The following CALB2 variants were observed in gnomAD, a reference collection of about 807,000 sequenced individuals.
The protein encoded by CALB2 is calbindin 2.
A neutral mutation model predicts 45.9 loss-of-function variants in CALB2; 34 were observed. The observed-to-expected ratio is 0.74, with a 90% CI of 0.56 to 0.99. CALB2 has a LOEUF of 0.99. Ranked by LOEUF, CALB2 falls within the 50% of genes least tolerant of loss-of-function variation. The probability of loss-of-function intolerance (pLI) is 0.00; values close to 1 mark genes in which losing one functional copy is unlikely to be tolerated. For missense variants in CALB2, 344 were observed against 339.3 expected (o/e 1.01, Z -0.11); for synonymous variants, 142 against 129.6 (o/e 1.10, Z -0.65).
At chr16:71,385,950 G>T (rs894831375) in intron 10 of CALB2, among the ~76,000 whole-genome samples, 23 of 152,108 alleles carry the variant, frequency 1.5e-4, no homozygotes, top group African/African-American at 5.6e-4. Context: ...GCACATGCGT[G>T]GCCACCTTCT....
rs757390371 is a variant in CALB2 at position 71,384,017 on chromosome 16, G to T, written c.525G>T (p.Glu175Asp). ...GGGATGGCAAATTGGGCCTCTCAGA[G>T]ATGTCCCGGTAAGCACCTCACCCCC... The part of the protein sequence containing the change: ...LNGDGKLGLS[E>D]MSRLLPVQEN... The change falls in exon 7 of 11, where the codon GAG (glutamate) becomes GAT (aspartate). Residue 175 changes from glutamate (E) to aspartate (D), a missense_variant. By Grantham distance (45) the Glu-to-Asp change is conservative. Transcript: ENST00000302628. 8 of 1,613,870 alleles carry T rather than the reference G, an allele frequency of 5.0e-6. No individual in the cohort carries two copies. The South Asian group carries it at 8.8e-5, about 18-fold the overall frequency.
At chr16:71,384,165 C>A in intron 7 of CALB2, 140 bp downstream of exon 7, 1 of 1,048,062 alleles carries the variant, frequency 9.5e-7, no homozygotes, top group South Asian at 1.3e-5. Flanking sequence ...GAATTGTGAC[C>A]GTCAACACCT....
chr16:71,383,132 G>A (rs2042519487), intron 5 of CALB2, among the ~76,000 whole-genome samples: 1 of 152,154 alleles, frequency 6.6e-6, no homozygotes, highest in South Asian at 2.1e-4. Context: ...TCTCCCAGGA[G>A]GCAGAGCCAA....
intron 4 of CALB2, 151 bp downstream of exon 4, chr16:71,377,898 C>G: frequency 3.4e-6 from 2 of 586,936 alleles, no homozygotes; most frequent in Non-Finnish European, 6.0e-6. Context: ...CGTGGACCGG[C>G]AGCATCAGTA....
At chr16:71,365,862 G>A (rs2042278972) in intron 1 of CALB2, among the ~76,000 whole-genome samples, 1 of 151,606 alleles carries the variant, frequency 6.6e-6, no homozygotes, top group Non-Finnish European at 1.5e-5. Flanking sequence ...GCAGAGCTTT[G>A]AAAACACCCC....
rs2042512815 is a variant in CALB2 at position 71,382,632 on chromosome 16, C to G, written c.343-87C>G. ...TCCGATATTCTTGAAGATCAAGACCCTGGGTGGCCCATTAAAGGGGAATGG... is the reference window on the plus strand; with the variant it reads ...TCCGATATTCTTGAAGATCAAGACCGTGGGTGGCCCATTAAAGGGGAATGG... On this transcript the variant is annotated intron_variant, in intron 4 of 10. Coordinates refer to ENST00000302628, the MANE Select transcript of CALB2 (RefSeq NM_001740.5). The G allele has an allele frequency of 1.2e-5, 15 of 1,270,688 alleles. 1 individual carries two copies. In the South Asian group the frequency reaches 2.0e-4, roughly 17 times the overall value. 78.7% of individuals were successfully genotyped at this position (1,270,688 alleles called of 1,614,324 possible).
chr16:71,376,383 G>A (rs1285140109), intron 3 of CALB2, among the ~76,000 whole-genome samples: 1 of 152,206 alleles, frequency 6.6e-6, no homozygotes, highest in Non-Finnish European at 1.5e-5. Context: ...CCTCCCTGCA[G>A]TTCTCTTGGT....
rs375599790 is a variant in CALB2, at chr16:71,372,227, A to C, written c.169A>C (p.Met57Leu). ...ELEKARKGSG[M>L]MSKSDNFGEK... ...GGAGAAGGCAAGGAAAGGCTCTGGCATGGTAAGCCCAGCCCTGTCTCCGAT... is the reference window on the plus strand; with the variant it reads ...GGAGAAGGCAAGGAAAGGCTCTGGCCTGGTAAGCCCAGCCCTGTCTCCGAT... Residue 57 changes from methionine (M) to leucine (L), a missense_variant and splice_region_variant, in exon 2 of 11, where the codon ATG becomes CTG. Around this residue, in one of 3 missense-constraint regions of CALB2, gnomAD observed 77 missense variants for 80.5 expected, o/e 0.96. Transcript: ENST00000302628. 4.7e-5 allele frequency: 76 copies of C among 1,611,878 alleles called. No individual in the cohort carries two copies. The highest frequency in any genetic ancestry group is 5.9e-5 in the Non-Finnish European group (69 of 1,178,382).
intron 10 of CALB2, among the ~76,000 whole-genome samples, chr16:71,387,703 C>G (rs1230139560): frequency 6.6e-6 from 1 of 152,184 alleles, no homozygotes; most frequent in African/African-American, 2.4e-5. Flanking sequence ...CTAAGTCTCT[C>G]GCTGCCACAG....
intron 1 of CALB2, among the ~76,000 whole-genome samples, chr16:71,371,035 A>G (rs1598163529): frequency 6.6e-6 from 1 of 152,186 alleles, no homozygotes; most frequent in Non-Finnish European, 1.5e-5. Context: ...GGGTTCTGGT[A>G]ATGGAACTCA....
rs1421882764 is a variant in CALB2 at position 71,385,734 on chromosome 16, C to T, written c.699+86C>T. 7.9e-6 allele frequency: 8 copies of T among 1,010,488 alleles called. No homozygotes were observed. In the Middle Eastern group the frequency reaches 8.7e-4, roughly 110 times the overall value. The allele number at this position is 1,010,488 out of a possible 1,614,324, so 62.6% of individuals were successfully genotyped here. Reference sequence around the variant, plus strand: ...GAGAGGAGGGGAAAGGTGCCTGGTCCTGCTCTCTACTCCCCTCTGATCTGC... The same window carrying T: ...GAGAGGAGGGGAAAGGTGCCTGGTCTTGCTCTCTACTCCCCTCTGATCTGC... On this transcript the variant is annotated intron_variant, in intron 10 of 10. Coordinates refer to ENST00000302628, the MANE Select transcript of CALB2 (RefSeq NM_001740.5).
At chr16:71,360,872 C>T (rs1050013310) in intron 1 of CALB2, among the ~76,000 whole-genome samples, 3 of 152,096 alleles carry the variant, frequency 2.0e-5, no homozygotes, top group Non-Finnish European at 4.4e-5. Flanking sequence ...TCCTGGCCAG[C>T]GTTTATTCTC....
rs11303887 is a variant in CALB2 at position 71,370,482 on chromosome 16, T to TA, written c.95-1658dup. Among the ~76,000 whole-genome samples the TA allele has an allele frequency of 1.0e-2, 1,447 of 145,272 alleles. 8 individuals are homozygous for TA. Among genetic ancestry groups the TA allele is most frequent in the African/African-American group, 0.021 (852 of 40,062 alleles). ...TGCACAGGAAATCACCTGGGAGTGT[T>TA]AAAAAAAAAAAAATCATGGTGCTTA... is the stretch of plus-strand genomic sequence containing the variant. On this transcript the variant is annotated intron_variant, in intron 1 of 10. Transcript: ENST00000302628.
chr16:71,382,496 C>T (rs750636544), intron 4 of CALB2, among the ~76,000 whole-genome samples: 13 of 152,234 alleles, frequency 8.5e-5, no homozygotes, highest in Non-Finnish European at 1.6e-4. Context: ...AGCTTAGCTG[C>T]GTGGTTCTGG....
intron 1 of CALB2, among the ~76,000 whole-genome samples, chr16:71,360,901 A>G (rs1053048792): frequency 2.0e-5 from 3 of 152,132 alleles, no homozygotes; most frequent in Non-Finnish European, 4.4e-5. Context: ...GTTCCTGAAC[A>G]CCTGCTTGGT....
At chr16:71,361,727 T>G (rs1005082752) in intron 1 of CALB2, among the ~76,000 whole-genome samples, 7 of 152,038 alleles carry the variant, frequency 4.6e-5, no homozygotes, top group Admixed American at 2.0e-4. Flanking sequence ...CTTAGCCCAT[T>G]CCAAAACAGA....
intron 3 of CALB2, among the ~76,000 whole-genome samples, chr16:71,375,250 T>A (rs1488587846): frequency 6.6e-6 from 1 of 152,250 alleles, no homozygotes; most frequent in African/African-American, 2.4e-5. Context: ...GTAATTTACA[T>A]ATATATACAT....
intron 10 of CALB2, among the ~76,000 whole-genome samples, chr16:71,388,488 C>G (rs2042597615): frequency 6.6e-6 from 1 of 152,072 alleles, no homozygotes; most frequent in South Asian, 2.1e-4. Context: ...TTATTTGTAT[C>G]CGAAGCAATC....
At chr16:71,366,022 C>CTTTTTTTTTTTTTTTTTTTTT (rs1447467571) in intron 1 of CALB2, among the ~76,000 whole-genome samples, 814 of 50,372 alleles carry the variant, frequency 0.016, 189 homozygotes, top group Non-Finnish European at 0.018. Context: ...CCCTCTCTCT[C>CTTTTTTTTTTTTTTTTTTTTT]TCTTTTTTTT....
Sources: allele counts gnomAD v4.1 joint callset (sites outside exome capture counted in the v4.1 genomes callset), GRCh38; gene constraint gnomAD v4.1.1; regional missense constraint gnomAD v4.1.1; transcripts MANE v1.5; gene names NCBI Gene and HGNC (gene_info 2026-07-23, HGNC 2026-07-21).